The following MTRFR variants were observed in gnomAD, a reference collection of about 807,000 sequenced individuals.
MTRFR encodes mitochondrial translation release factor in rescue, also known as probable peptide chain release factor C12orf65, mitochondrial.
In MTRFR, 10 loss-of-function variants were observed where a neutral mutation model predicts 11.9. The observed-to-expected ratio is 0.84, with a 90% CI of 0.52 to 1.42. MTRFR has a LOEUF of 1.42. MTRFR is among the 40% of genes most tolerant of loss of function. MTRFR has a pLI of 0.00. For missense variants in MTRFR, 196 were observed against 197.9 expected, an observed-to-expected ratio of 0.99 and a Z score of 0.06; for synonymous variants, 77 against 79.1, an observed-to-expected ratio of 0.97 and a Z score of 0.14.
chr12:123,238,883 C>G (rs1005415779), intron 1 of MTRFR, among the ~76,000 whole-genome samples: 1 of 152,148 alleles, frequency 6.6e-6, no homozygotes. Context: ...AAGTAGCCAC[C>G]AGCACATGTG....
At chr12:123,247,590 T>C (rs768765948) in intron 1 of MTRFR, among the ~76,000 whole-genome samples, 9 of 152,212 alleles carry the variant, frequency 5.9e-5, no homozygotes, top group Admixed American at 1.3e-4. Flanking sequence ...TTCTTATCCA[T>C]TCTGCAGTTC....
At chr12:123,256,758 C>T (rs1445815269) in intron 2 of MTRFR, 55 bp from the exon 3 acceptor site, 1 of 1,349,116 alleles carries the variant, frequency 7.4e-7, no homozygotes, top group Non-Finnish European at 1.1e-6. Context: ...TTCTGAGGTC[C>T]TGTCCATTTT....
intron 1 of MTRFR, among the ~76,000 whole-genome samples, chr12:123,234,422 GTC>G (rs2047800819): frequency 6.6e-6 from 1 of 151,926 alleles, no homozygotes; most frequent in Admixed American, 6.6e-5. Flanking sequence ...GGGGGACAAG[GTC>G]TCTCTCTGTC....
intron 1 of MTRFR, among the ~76,000 whole-genome samples, chr12:123,245,710 C>T (rs571661040): frequency 6.6e-5 from 10 of 152,200 alleles, no homozygotes; most frequent in East Asian, 1.9e-4. Context: ...TCCACTTGGT[C>T]GCTGTTGGTG....
At chr12:123,256,567 G>GGCAGCACA in intron 2 of MTRFR, among the ~76,000 whole-genome samples, 1 of 152,158 alleles carries the variant, frequency 6.6e-6, no homozygotes, top group African/African-American at 2.4e-5. Context: ...ATGGTGGCGT[G>GGCAGCACA]CGCCTATAAT....
At chr12:123,238,976 AT>A (rs2047891102) in intron 1 of MTRFR, among the ~76,000 whole-genome samples, 1 of 152,144 alleles carries the variant, frequency 6.6e-6, no homozygotes, top group African/African-American at 2.4e-5. Context: ...GAATATCTCA[AT>A]TTTAAAATAT....
In MTRFR at chr12:123,257,222, A is replaced by C; in HGVS notation, c.*191A>C. On this transcript the variant is annotated 3_prime_UTR_variant, in exon 3 of 3. Coordinates refer to ENST00000253233, the MANE Select transcript of MTRFR (RefSeq NM_152269.5). Reference sequence around the variant, plus strand: ...GAGACATGCACGATTCAAGAATAAAACTCGGCTGGGCACGGTGGACGGTGC... The same window carrying C: ...GAGACATGCACGATTCAAGAATAAACCTCGGCTGGGCACGGTGGACGGTGC... The C allele has an allele frequency of 1.6e-6, 1 of 610,438 alleles. No individual in the cohort carries two copies. The allele number at this position is 610,438 out of a possible 1,614,324, so 37.8% of individuals were successfully genotyped here. A position where few individuals can be genotyped will look rare whatever the true frequency, so the allele number is the denominator to read the frequency against.
intron 1 of MTRFR, chr12:123,240,727 C>CTTTTTTTTTTTTTTTTTTTTTTTTT: frequency 9.8e-6 from 1 of 102,104 alleles, no homozygotes; most frequent in Non-Finnish European, 2.0e-5. Flanking sequence ...TTTTATTGAC[C>CTTTTTTTTTTTTTTTTTTTTTTTTT]TTTTTTTTTT....
rs144961610 is a variant in MTRFR, at chr12:123,253,462, G to A, written c.-28-185G>A. 226 of 597,072 alleles carry A rather than the reference G, an allele frequency of 3.8e-4. No individual in the cohort carries two copies. In the Middle Eastern group the frequency reaches 4.6e-3, roughly 12 times the overall value. 37.0% of individuals were successfully genotyped at this position (597,072 alleles called of 1,614,324 possible). A position where few individuals can be genotyped will look rare whatever the true frequency, so the allele number is the denominator to read the frequency against. On this transcript the variant is annotated intron_variant, in intron 1 of 2. Transcript: ENST00000253233. ...CAGGGCATGTCCTGGTAACATGGCA[G>A]ACAGTGCAAGGCTGAGGAGAGGGGC...
In MTRFR at chr12:123,256,921, A is replaced by G. The variant is rs1350854091; in HGVS notation, c.391A>G (p.Lys131Glu). 2 of 1,613,858 alleles carry G rather than the reference A, an allele frequency of 1.2e-6. No homozygotes were observed. Among genetic ancestry groups the G allele is most frequent in the Non-Finnish European group, 1.7e-6 (2 of 1,179,992 alleles). ...TGAAAACAGTCCTGTTCACAAAGAA[A>G]AACGAGAAGCGGCGAAGAAAAAACA... ...NGENSPVHKE[K>E]REAAKKKQER... Residue 131 changes from lysine to glutamate, a missense_variant, in exon 3 of 3, where the codon AAA (lysine) becomes GAA (glutamate). By Grantham distance (56) the Lys-to-Glu change is moderately conservative. Coordinates refer to ENST00000253233, the MANE Select transcript of MTRFR (RefSeq NM_152269.5).
intron 1 of MTRFR, chr12:123,251,551 G>A (rs1292905297): frequency 6.6e-6 from 1 of 152,372 alleles, no homozygotes; most frequent in Non-Finnish European, 1.5e-5. Context: ...GCTCTGCTGA[G>A]TCTGACTTAG....
chr12:123,244,606 C>A (rs1238691602), intron 1 of MTRFR, among the ~76,000 whole-genome samples: 2 of 152,098 alleles, frequency 1.3e-5, no homozygotes, highest in Non-Finnish European at 2.9e-5. Context: ...AAGGAATCAA[C>A]AAAGCCCTTT....
chr12:123,249,234 C>G (rs192050157), intron 1 of MTRFR: 2 of 152,338 alleles, frequency 1.3e-5, no homozygotes, highest in Non-Finnish European at 2.9e-5. Context: ...AGTCCCCACC[C>G]GACTCAGGAG....
At chr12:123,247,025 G>A (rs762532966) in intron 1 of MTRFR, among the ~76,000 whole-genome samples, 5 of 151,802 alleles carry the variant, frequency 3.3e-5, no homozygotes, top group Non-Finnish European at 7.4e-5. Flanking sequence ...CACCGCTCAC[G>A]CCTAATTTCA....
rs1287615085 is a variant in MTRFR, at chr12:123,256,725, G to A, written c.283-88G>A. The A allele has an allele frequency of 3.9e-6, 4 of 1,020,118 alleles. No homozygotes were observed. The East Asian group carries it at 7.3e-5, about 19-fold the overall frequency. The allele number at this position is 1,020,118 out of a possible 1,614,324, so 63.2% of individuals were successfully genotyped here. A position where few individuals can be genotyped will look rare whatever the true frequency, so the allele number is the denominator to read the frequency against. The stretch of plus-strand genomic sequence containing the variant: ...AAATAAATAAATAGTAAATAAAAAA[G>A]CGAACAGGTTGAATTTAATGACTTC... On this transcript the variant is annotated intron_variant, in intron 2 of 2. Coordinates refer to ENST00000253233, the MANE Select transcript of MTRFR (RefSeq NM_152269.5).
chr12:123,235,250 A>C (rs1453173501), intron 1 of MTRFR, among the ~76,000 whole-genome samples: 1 of 152,190 alleles, frequency 6.6e-6, no homozygotes, highest in Non-Finnish European at 1.5e-5. Flanking sequence ...TTAGAGCCAA[A>C]GTTACCCAGT....
intron 2 of MTRFR, chr12:123,254,344 A>G: frequency 8.9e-6 from 2 of 224,310 alleles, no homozygotes; most frequent in Non-Finnish European, 1.8e-5. Flanking sequence ...CCACTGCAGG[A>G]AGGCTGCCGA....
At chr12:123,233,150 CG>C (rs2047748520), upstream of MTRFR, 2 of 152,106 alleles carry the variant, frequency 1.3e-5, no homozygotes, top group African/African-American at 2.4e-5. Context: ...GGAGCGCGCG[CG>C]CGCCCGGCGT....
intron 1 of MTRFR, chr12:123,249,228 C>T (rs972395408): frequency 6.6e-6 from 1 of 152,312 alleles, no homozygotes; most frequent in African/African-American, 2.4e-5. Flanking sequence ...TCTCCAAGTC[C>T]CCACCCGACT....
Sources: gnomAD v4.1 joint callset for allele counts (sites outside exome capture counted in the v4.1 genomes callset) on GRCh38, gnomAD v4.1.1 for gene constraint, MANE v1.5 for transcripts, NCBI Gene and HGNC (gene_info 2026-07-23, HGNC 2026-07-21) for gene names.